The following FUT9 variants were observed in gnomAD, a reference collection of about 807,000 sequenced individuals.
FUT9 encodes fucosyltransferase 9.
A neutral mutation model predicts 29.7 loss-of-function variants in FUT9; 15 were observed. The ratio of observed to expected loss-of-function variants is 0.51; its 90% CI spans 0.34 to 0.78. The LOEUF (loss-of-function observed/expected upper bound fraction) is 0.78, where lower values mean the gene tolerates loss of function less well. FUT9 is among the 30% of genes least tolerant of loss of function. The pLI, the probability that FUT9 is intolerant of heterozygous loss-of-function variation, is 0.01. For synonymous variants in FUT9, 169 were observed against 153.7 expected, an observed-to-expected ratio of 1.10 and a Z score of -0.74; for missense variants, 319 against 425.4, an observed-to-expected ratio of 0.75 and a Z score of 2.20.
At chr6:96,141,069 C>T (rs1772453235) in intron 2 of FUT9, among the ~76,000 whole-genome samples, 1 of 152,106 alleles carries the variant, frequency 6.6e-6, no homozygotes, top group South Asian at 2.1e-4. Flanking sequence ...GGATTGTTTT[C>T]ATTTCTTTGA....
chr6:96,065,983 T>C (rs1026784446), intron 1 of FUT9, among the ~76,000 whole-genome samples: 6 of 152,200 alleles, frequency 3.9e-5, no homozygotes, highest in African/African-American at 1.4e-4. Context: ...ATCAAGCAAC[T>C]GTTTTAGTAC....
chr6:96,117,963 T>C (rs1414184035), intron 2 of FUT9, among the ~76,000 whole-genome samples: 3 of 152,214 alleles, frequency 2.0e-5, no homozygotes, highest in South Asian at 2.1e-4. Context: ...CCCATCACAT[T>C]GGGAGGCTCA....
At chr6:96,132,818 T>C (rs200939479) in intron 2 of FUT9, among the ~76,000 whole-genome samples, 8 of 152,210 alleles carry the variant, frequency 5.3e-5, no homozygotes, top group African/African-American at 1.9e-4. Context: ...TGAAGTATAA[T>C]TGCCCAAGCA....
intron 1 of FUT9, among the ~76,000 whole-genome samples, chr6:96,102,760 C>T (rs1240989984): frequency 2.0e-5 from 3 of 152,064 alleles, no homozygotes; most frequent in Admixed American, 6.6e-5. Flanking sequence ...GTTTGATACC[C>T]ACATCAAATA....
Position 96,048,680 on chromosome 6 carries a change from G to A in FUT9, c.-98+32468G>A, listed in dbSNP as rs151308295. 3.4e-3 allele frequency among the ~76,000 whole-genome samples: 522 copies of A among 152,268 alleles called. 3 individuals carry two copies. Among genetic ancestry groups the A allele is most frequent in the African/African-American group, 0.012 (484 of 41,560 alleles). The stretch of plus-strand genomic sequence containing the variant: ...GAGTGTATTCTCATGGAACGGAAGC[G>A]AAGAAAAGAGATCGGCAGTGGATGC... On this transcript the variant is annotated intron_variant, in intron 1 of 2. Transcript: ENST00000302103.
Position 96,167,886 on chromosome 6 carries a change from G to A in FUT9, c.-8-35262G>A, listed in dbSNP as rs531206722. Among the ~76,000 whole-genome samples the A allele has an allele frequency of 7.2e-5, 11 of 152,262 alleles. No individual in the cohort carries two copies. The East Asian group carries it at 2.1e-3, about 30-fold the overall frequency. On this transcript the variant is annotated intron_variant, in intron 2 of 2. Coordinates refer to ENST00000302103, the MANE Select transcript of FUT9 (RefSeq NM_006581.4). The stretch of plus-strand genomic sequence containing the variant: ...TGGAAGCCACTGTGGCCATAAACGA[G>A]TGGCCAGGGAACTGGGGGAAAAGAG...
rs1053557861 is a variant in FUT9 at position 96,122,932 on chromosome 6, C to T, written c.-9+8805C>T. ...GTGGCTAGCTGGGCATGGTGGCGGGCGCCTGTAGTCCCAGCCACTCGGGAG... is the reference window on the plus strand; with the variant it reads ...GTGGCTAGCTGGGCATGGTGGCGGGTGCCTGTAGTCCCAGCCACTCGGGAG... On this transcript the variant is annotated intron_variant, in intron 2 of 2. Coordinates refer to ENST00000302103, the MANE Select transcript of FUT9 (RefSeq NM_006581.4). Among the ~76,000 whole-genome samples, 35 of 151,558 alleles carry T rather than the reference C, an allele frequency of 2.3e-4. 1 individual carries two copies. The highest frequency in any genetic ancestry group is 7.3e-4 in the African/African-American group (30 of 41,340).
In FUT9 at chr6:96,038,991, A is replaced by G. The variant is rs1463945161; in HGVS notation, c.-98+22779A>G. On this transcript the variant is annotated intron_variant, in intron 1 of 2. Coordinates refer to ENST00000302103, the MANE Select transcript of FUT9 (RefSeq NM_006581.4). The stretch of plus-strand genomic sequence containing the variant: ...CCAAACAACCAGCCTGGAATAATCA[A>G]GCCTCCCCTCAATGCTTCAATATTT... 3.9e-5 allele frequency among the ~76,000 whole-genome samples: 6 copies of G among 152,242 alleles called. No individual in the cohort carries two copies. The East Asian group carries it at 9.7e-4, about 25-fold the overall frequency.
In FUT9 at chr6:96,205,897, C is replaced by A. The variant is rs1773820349; in HGVS notation, c.*1662C>A. On this transcript the variant is annotated 3_prime_UTR_variant, in exon 3 of 3. Transcript: ENST00000302103. ...CACCCCAGCACCAGAAAGATTTGAG[C>A]AGAGGAATATTCCTGTAATGAATAG... 1 of 166,974 alleles carries A rather than the reference C, an allele frequency of 6.0e-6. No individual in the cohort carries two copies. Among genetic ancestry groups the A allele is most frequent in the Admixed American group, 6.5e-5 (1 of 15,270 alleles). The allele number at this position is 166,974 out of a possible 1,614,324, so 10.3% of individuals were successfully genotyped here.
At chr6:96,158,731 C>T (rs1262104995) in intron 2 of FUT9, among the ~76,000 whole-genome samples, 2 of 152,020 alleles carry the variant, frequency 1.3e-5, no homozygotes, top group Non-Finnish European at 2.9e-5. Flanking sequence ...GCTTCATCCC[C>T]CAAATTGCCC....
In FUT9 at chr6:96,205,066, A is replaced by T. The variant is rs1773802664; in HGVS notation, c.*831A>T. 6.0e-6 allele frequency: 1 copy of T among 166,736 alleles called. No homozygotes were observed. Among genetic ancestry groups the T allele is most frequent in the Non-Finnish European group, 1.5e-5 (1 of 68,078 alleles). 10.3% of individuals were successfully genotyped at this position (166,736 alleles called of 1,614,324 possible). On this transcript the variant is annotated 3_prime_UTR_variant, in exon 3 of 3. Transcript: ENST00000302103. The stretch of plus-strand genomic sequence containing the variant: ...TCCTCAAATAACAAAGAAAAATGAT[A>T]CCTATAAATATATTTATAAATGGTG...
At chr6:96,024,426 A>C (rs149086538) in intron 1 of FUT9, among the ~76,000 whole-genome samples, 2 of 151,934 alleles carry the variant, frequency 1.3e-5, no homozygotes, top group African/African-American at 2.4e-5. Flanking sequence ...GCAGTGGCTC[A>C]TGGCATAACC....
chr6:96,051,218 TG>T (rs756073301), intron 1 of FUT9, among the ~76,000 whole-genome samples: 2 of 152,186 alleles, frequency 1.3e-5, no homozygotes, highest in Non-Finnish European at 2.9e-5. Flanking sequence ...CTGGCCTTTG[TG>T]GGGCATGCTT....
rs1311621435 is a variant in FUT9 at position 96,210,376 on chromosome 6, T to C, written c.*6141T>C. The C allele has an allele frequency of 6.6e-5, 11 of 166,882 alleles. No homozygotes were observed. Among genetic ancestry groups the C allele is most frequent in the Non-Finnish European group, 1.0e-4 (7 of 68,020 alleles). 10.3% of individuals were successfully genotyped at this position (166,882 alleles called of 1,614,324 possible). On this transcript the variant is annotated 3_prime_UTR_variant, in exon 3 of 3. Coordinates refer to ENST00000302103, the MANE Select transcript of FUT9 (RefSeq NM_006581.4). ...ACTTTTTCCAGTTGCGAGTTGCTTA[T>C]AGTAGTTCGCGAACCTGAATGCACA...
chr6:96,045,668 G>A (rs372481054), intron 1 of FUT9, among the ~76,000 whole-genome samples: 12 of 152,218 alleles, frequency 7.9e-5, no homozygotes, highest in African/African-American at 2.7e-4. Context: ...GCATGTGACT[G>A]TGTAGTTCCT....
At chr6:96,028,243 A>G (rs1050068802) in intron 1 of FUT9, among the ~76,000 whole-genome samples, 1 of 151,552 alleles carries the variant, frequency 6.6e-6, no homozygotes, top group Non-Finnish European at 1.5e-5. Flanking sequence ...CTTCATGGAA[A>G]CACTGCGTTA....
intron 1 of FUT9, among the ~76,000 whole-genome samples, chr6:96,095,637 A>T (rs1771482643): frequency 6.6e-6 from 1 of 151,892 alleles, no homozygotes; most frequent in South Asian, 2.1e-4. Context: ...AATTTTTTTT[A>T]TGGTTTACTT....
intron 1 of FUT9, among the ~76,000 whole-genome samples, chr6:96,092,726 G>A (rs907879119): frequency 1.3e-5 from 2 of 151,944 alleles, no homozygotes; most frequent in African/African-American, 4.8e-5. Context: ...CAGGAGATGC[G>A]AGGTCAAATT....
chr6:96,173,875 ATTG>A (rs1272881702), intron 2 of FUT9, among the ~76,000 whole-genome samples: 2 of 152,098 alleles, frequency 1.3e-5, no homozygotes, highest in African/African-American at 4.8e-5. Context: ...TGACAGCCAT[ATTG>A]TTGTCATTAA....
Sources: allele counts gnomAD v4.1 joint callset (sites outside exome capture counted in the v4.1 genomes callset), GRCh38; gene constraint gnomAD v4.1.1; transcripts MANE v1.5; gene names NCBI Gene and HGNC (gene_info 2026-07-23, HGNC 2026-07-21).